DERA: variants seen among roughly 807,000 people sequenced by gnomAD.
DERA encodes the protein deoxyribose-phosphate aldolase, also known as 2-deoxy-D-ribose 5-phosphate aldolase.
Under a neutral mutation model 41.1 loss-of-function variants are expected in DERA, and 15 were observed. That is an observed-to-expected ratio of 0.37 (90% CI 0.24 to 0.56). The LOEUF (loss-of-function observed/expected upper bound fraction) is 0.56, where lower values mean the gene tolerates loss of function less well. Among genes scored for constraint, DERA ranks in the 20% least tolerant of loss-of-function variants. The pLI is 0.81. For missense variants in DERA, 396 were observed against 403.4 expected, an observed-to-expected ratio of 0.98 and a Z score of 0.16; for synonymous variants, 139 against 137.4, an observed-to-expected ratio of 1.01 and a Z score of -0.08.
intron 5 of DERA, among the ~76,000 whole-genome samples, chr12:15,975,404 T>C (rs1271205950): frequency 6.6e-6 from 1 of 152,188 alleles, no homozygotes; most frequent in Non-Finnish European, 1.5e-5. Flanking sequence ...GTGCAGGGTC[T>C]GCAAATTATC....
rs539684704 is a variant in DERA, at chr12:16,014,480, G to C, written c.638-18062G>C. Among the ~76,000 whole-genome samples the C allele has an allele frequency of 5.9e-5, 9 of 152,308 alleles. No homozygotes were observed. The South Asian group carries it at 1.9e-3, about 32-fold the overall frequency. On this transcript the variant is annotated intron_variant, in intron 6 of 8. Coordinates refer to ENST00000428559, the MANE Select transcript of DERA (RefSeq NM_015954.4). This position sits in a 1 kb window ranked among gnomAD's most constrained non-coding sequence, Gnocchi z 5.4. ...CTCCAAGCCTTGGTGGCTTCCACATGGTGTTGGTCCTGCAGGTGCACAGAA... is the reference window on the plus strand; with the variant it reads ...CTCCAAGCCTTGGTGGCTTCCACATCGTGTTGGTCCTGCAGGTGCACAGAA...
intron 7 of DERA, chr12:16,032,931 CAA>C (rs1405583781): frequency 1.2e-5 from 4 of 327,154 alleles, no homozygotes; most frequent in African/African-American, 4.5e-5. Context: ...TTGTCACTGA[CAA>C]GAGATTCCTA....
chr12:15,956,417 T>A (rs896486143), intron 1 of DERA, among the ~76,000 whole-genome samples: 1 of 152,212 alleles, frequency 6.6e-6, no homozygotes, highest in Non-Finnish European at 1.5e-5. Flanking sequence ...TTTTGAAAAA[T>A]TTTTCTTTGA....
At chr12:15,930,949 G>A (rs1200785471) in intron 1 of DERA, among the ~76,000 whole-genome samples, 1 of 152,120 alleles carries the variant, frequency 6.6e-6, no homozygotes, top group African/African-American at 2.4e-5. Flanking sequence ...AGGGCAGTAA[G>A]TTTCAGGAAA....
At position 15,936,070 on chromosome 12, in the gene DERA, C is replaced by A. The variant is rs1948362300; in HGVS notation, c.32-20866C>A. On this transcript the variant is annotated intron_variant, in intron 1 of 8. Transcript: ENST00000428559. This position sits in a 1 kb window ranked among gnomAD's most constrained non-coding sequence, Gnocchi z 4.6. The stretch of plus-strand genomic sequence containing the variant: ...CATGGCAGCTGGCTTCTCGAGTGAT[C>A]CAAGTAGGAAGGCAAAAGCCACCAT... 6.6e-6 allele frequency among the ~76,000 whole-genome samples: 1 copy of A among 152,140 alleles called. No homozygotes were observed. The highest frequency in any genetic ancestry group is 1.5e-5 in the Non-Finnish European group (1 of 68,032).
rs1010399063 is a variant in DERA at position 15,981,507 on chromosome 12, C to A, written c.509-801C>A. 6.6e-6 allele frequency among the ~76,000 whole-genome samples: 1 copy of A among 152,158 alleles called. No homozygotes were observed. The highest frequency in any genetic ancestry group is 1.5e-5 in the Non-Finnish European group (1 of 68,018). ...AGCCAAAATTCACTAGTATCATTGA[C>A]AAAAGACTTAAATAATTTTTTAAAG... On this transcript the variant is annotated intron_variant, in intron 5 of 8. Transcript: ENST00000428559. The surrounding 1 kb of genome is among the most constrained non-coding windows in gnomAD (Gnocchi z 6.1).
intron 5 of DERA, among the ~76,000 whole-genome samples, chr12:15,975,684 G>C (rs568872356): frequency 1.3e-5 from 2 of 152,230 alleles, no homozygotes; most frequent in Non-Finnish European, 2.9e-5. Context: ...GAAACAAGGT[G>C]GAGTCAGTTA....
At chr12:15,987,189 T>A (rs1051752723) in intron 6 of DERA, among the ~76,000 whole-genome samples, 4 of 151,944 alleles carry the variant, frequency 2.6e-5, no homozygotes, top group Non-Finnish European at 4.4e-5. Flanking sequence ...AGGTTGATGT[T>A]TTCTAACAGT....
In DERA at chr12:15,922,992, T is replaced by A. The variant is rs763446177; in HGVS notation, c.31+11578T>A. On this transcript the variant is annotated intron_variant, in intron 1 of 8. Coordinates refer to ENST00000428559, the MANE Select transcript of DERA (RefSeq NM_015954.4). This position sits in a 1 kb window ranked among gnomAD's most constrained non-coding sequence, Gnocchi z 4.9. Reference sequence around the variant, plus strand: ...TTTTGCTGTGAGTCTGAAACTGCTCTAAAAAATAGTGGTTTTTGTTTTTGC... The same window carrying A: ...TTTTGCTGTGAGTCTGAAACTGCTCAAAAAAATAGTGGTTTTTGTTTTTGC... Among the ~76,000 whole-genome samples the A allele has an allele frequency of 2.0e-5, 3 of 149,932 alleles. No homozygotes were observed. The highest frequency in any genetic ancestry group is 1.5e-5 in the Non-Finnish European group (1 of 67,280).
chr12:15,965,667 C>T lies in DERA; in HGVS notation c.508+2720C>T, dbSNP rs903264884. On this transcript the variant is annotated intron_variant, in intron 5 of 8. Coordinates refer to ENST00000428559, the MANE Select transcript of DERA (RefSeq NM_015954.4). This position sits in a 1 kb window ranked among gnomAD's most constrained non-coding sequence, Gnocchi z 4.1. ...TTCCTCTCTGGGTTCTCCTTAGTGACCATTTAAAATGTCCACTTTCCTGAA... is the reference window on the plus strand; with the variant it reads ...TTCCTCTCTGGGTTCTCCTTAGTGATCATTTAAAATGTCCACTTTCCTGAA... Among the ~76,000 whole-genome samples, 3 of 152,096 alleles carry T rather than the reference C, an allele frequency of 2.0e-5. No individual in the cohort carries two copies. The highest frequency in any genetic ancestry group is 2.9e-5 in the Non-Finnish European group (2 of 68,022).
chr12:15,988,016 C>T lies in DERA; in HGVS notation c.637+5580C>T, dbSNP rs1266765491. On this transcript the variant is annotated intron_variant, in intron 6 of 8. Transcript: ENST00000428559. The surrounding 1 kb of genome is among the most constrained non-coding windows in gnomAD (Gnocchi z 6.0). ...GACTCCATGCGAGGCTGTGGCTGGA[C>T]CAGACGTACCACAAGCAGCTTCTGC... 6.6e-6 allele frequency among the ~76,000 whole-genome samples: 1 copy of T among 152,118 alleles called. No homozygotes were observed.
At chr12:15,927,379 C>G (rs1209176478) in intron 1 of DERA, among the ~76,000 whole-genome samples, 1 of 152,130 alleles carries the variant, frequency 6.6e-6, no homozygotes, top group Non-Finnish European at 1.5e-5. Context: ...TAATCAGAGA[C>G]AAGTGTTCAT....
rs912181508 is a variant in DERA at position 15,993,988 on chromosome 12, AAG to A, written c.637+11558_637+11559del. On this transcript the variant is annotated intron_variant, in intron 6 of 8. Transcript: ENST00000428559. This position sits in a 1 kb window ranked among gnomAD's most constrained non-coding sequence, Gnocchi z 4.4. ...GGTTGGGCTTCTGTGAAGAAAGAAAAAGAGAGAAAAGAAAAAGCTTAGTTTTT... is the reference window on the plus strand; with the variant it reads ...GGTTGGGCTTCTGTGAAGAAAGAAAAAGAGAAAAGAAAAAGCTTAGTTTTT... Among the ~76,000 whole-genome samples, 6 of 152,242 alleles carry A rather than the reference AAG, an allele frequency of 3.9e-5. No homozygotes were observed. Among genetic ancestry groups the A allele is most frequent in the East Asian group, 3.8e-4 (2 of 5,202 alleles).
chr12:16,001,034 A>G lies in DERA; in HGVS notation c.637+18598A>G, dbSNP rs1368496345. Among the ~76,000 whole-genome samples the G allele has an allele frequency of 2.0e-5, 3 of 152,186 alleles. No individual in the cohort carries two copies. Among genetic ancestry groups the G allele is most frequent in the Non-Finnish European group, 4.4e-5 (3 of 68,028 alleles). ...ATTATTGTCAGTATTTTCTAAATTG[A>G]GTGGTTATTAAATACATTTTTCTGC... is the stretch of plus-strand genomic sequence containing the variant. On this transcript the variant is annotated intron_variant, in intron 6 of 8. Transcript: ENST00000428559. The surrounding 1 kb of genome is among the most constrained non-coding windows in gnomAD (Gnocchi z 4.1).
At chr12:15,948,878 G>A (rs1457381802) in intron 1 of DERA, among the ~76,000 whole-genome samples, 1 of 152,100 alleles carries the variant, frequency 6.6e-6, no homozygotes, top group Non-Finnish European at 1.5e-5. Context: ...TGGGGTTTTG[G>A]TGTGGATGTC....
chr12:15,990,915 C>T lies in DERA; in HGVS notation c.637+8479C>T, dbSNP rs992558259. On this transcript the variant is annotated intron_variant, in intron 6 of 8. Transcript: ENST00000428559. The surrounding 1 kb of genome is among the most constrained non-coding windows in gnomAD (Gnocchi z 4.3). ...CTGTTGTGAGTATTGCTGCGATGAA[C>T]ATATGCATACATGTGTCTTTACAAT... Among the ~76,000 whole-genome samples, 2 of 152,066 alleles carry T rather than the reference C, an allele frequency of 1.3e-5. No individual in the cohort carries two copies. The highest frequency in any genetic ancestry group is 4.8e-5 in the African/African-American group (2 of 41,414).
In DERA at chr12:15,936,373, C is replaced by T. The variant is rs867102035; in HGVS notation, c.32-20563C>T. The stretch of plus-strand genomic sequence containing the variant: ...CTCATATATCTGTCATGACCTAACA[C>T]ATTAATAATTTACTGTTTGTGTTGG... On this transcript the variant is annotated intron_variant, in intron 1 of 8. Transcript: ENST00000428559. This position sits in a 1 kb window ranked among gnomAD's most constrained non-coding sequence, Gnocchi z 4.6. Among the ~76,000 whole-genome samples the T allele has an allele frequency of 6.6e-6, 1 of 152,224 alleles. No homozygotes were observed. The highest frequency in any genetic ancestry group is 2.4e-5 in the African/African-American group (1 of 41,460).
chr12:15,935,362 C>T lies in DERA; in HGVS notation c.32-21574C>T, dbSNP rs527628094. Among the ~76,000 whole-genome samples the T allele has an allele frequency of 7.9e-4, 120 of 152,224 alleles. No individual in the cohort carries two copies. The highest frequency in any genetic ancestry group is 1.5e-3 in the South Asian group (7 of 4,810). On this transcript the variant is annotated intron_variant, in intron 1 of 8. Transcript: ENST00000428559. The surrounding 1 kb of genome is among the most constrained non-coding windows in gnomAD (Gnocchi z 4.8). ...ATTAGCCAGGTGTGGTGGCATCCAC[C>T]TGTAGTCCTACCTACTTGGGAGGCT...
rs1288945451 is a variant in DERA, at chr12:15,941,471, A to G, written c.32-15465A>G. Among the ~76,000 whole-genome samples the G allele has an allele frequency of 3.3e-5, 5 of 152,126 alleles. No homozygotes were observed. The highest frequency in any genetic ancestry group is 2.6e-4 in the Admixed American group (4 of 15,272). ...TGATTTCTGAGATTTTAGTGTACCC[A>G]TCACCCTAGCAATGTACGCTGTACC... On this transcript the variant is annotated intron_variant, in intron 1 of 8. Transcript: ENST00000428559. The surrounding 1 kb of genome is among the most constrained non-coding windows in gnomAD (Gnocchi z 4.5).
Sources: gnomAD v4.1 joint callset for allele counts (sites outside exome capture counted in the v4.1 genomes callset) on GRCh38, gnomAD v4.1.1 for gene constraint, Gnocchi (gnomAD v3.1) non-coding constraint, MANE v1.5 for transcripts, NCBI Gene and HGNC (gene_info 2026-07-23, HGNC 2026-07-21) for gene names.